The following CHDH variants were observed in gnomAD, a reference collection of about 807,000 sequenced individuals.
CHDH encodes the protein choline dehydrogenase, mitochondrial.
A neutral mutation model predicts 56.9 loss-of-function variants in CHDH; 43 were observed. The ratio of observed to expected loss-of-function variants is 0.76; its 90% CI spans 0.59 to 0.97. CHDH has a LOEUF of 0.97. Ranked by LOEUF, CHDH falls within the 50% of genes least tolerant of loss-of-function variation. CHDH has a pLI of 0.00. For synonymous variants in CHDH, 364 were observed against 348.5 expected, an observed-to-expected ratio of 1.04 and a Z score of -0.50; for missense variants, 816 against 821.1, an observed-to-expected ratio of 0.99 and a Z score of 0.08.
intron 1 of CHDH, among the ~76,000 whole-genome samples, chr3:53,843,675 C>A (rs890266644): frequency 6.6e-6 from 1 of 151,966 alleles, no homozygotes; most frequent in Admixed American, 6.5e-5. Flanking sequence ...TGAGCACCCC[C>A]TACAAAGCCC....
At chr3:53,824,118 A>G (rs1240579870) in intron 2 of CHDH, 51 bp from the exon 3 acceptor site, 3 of 1,115,750 alleles carry the variant, frequency 2.7e-6, no homozygotes, top group African/African-American at 1.6e-5. Flanking sequence ...TATCCAGGGT[A>G]TGCTCACCAA....
At chr3:53,843,188 C>CTTTTTTTT (rs10636132) in intron 1 of CHDH, among the ~76,000 whole-genome samples, 4 of 125,182 alleles carry the variant, frequency 3.2e-5, no homozygotes, top group East Asian at 2.5e-4. Flanking sequence ...CCCCCCCCAC[C>CTTTTTTTT]TTTTTTTTTT....
At chr3:53,821,369 G>A (rs1057042536) in intron 5 of CHDH, among the ~76,000 whole-genome samples, 2 of 151,894 alleles carry the variant, frequency 1.3e-5, no homozygotes, top group Non-Finnish European at 2.9e-5. Context: ...GCCCGACCCA[G>A]TGGGGCTTCA....
chr3:53,819,005 GCCC>G lies in CHDH; in HGVS notation c.1296_1298del (p.Gly433del), dbSNP rs761571720. 9 of 1,613,850 alleles carry G rather than the reference GCCC, an allele frequency of 5.6e-6. No individual in the cohort carries two copies. The highest frequency in any genetic ancestry group is 6.8e-6 in the Non-Finnish European group (8 of 1,179,782). ...GATTGGCACTTCTCAGTTTGAGCCAGCCCACACTCGTGCCCCGCATGGGCCCCA... is the reference window on the plus strand; with the variant it reads ...GATTGGCACTTCTCAGTTTGAGCCAGACACTCGTGCCCCGCATGGGCCCCA... On this transcript the variant is annotated inframe_deletion, in exon 8 of 9. Coordinates refer to ENST00000315251, the MANE Select transcript of CHDH (RefSeq NM_018397.5). The surrounding 1 kb of genome is among the most constrained non-coding windows in gnomAD (Gnocchi z 5.4).
chr3:53,818,771 C>T (rs1372638560), intron 8 of CHDH, among the ~76,000 whole-genome samples, 167 bp downstream of exon 8: 5 of 152,186 alleles, frequency 3.3e-5, no homozygotes, highest in African/African-American at 9.7e-5. Context: ...CAGGACACTA[C>T]GGGGCTGCCT....
At chr3:53,830,070 A>G (rs1698286082) in intron 2 of CHDH, among the ~76,000 whole-genome samples, 1 of 152,186 alleles carries the variant, frequency 6.6e-6, no homozygotes, top group South Asian at 2.1e-4. Context: ...ACTACAAAAC[A>G]TTGACAGAAG....
chr3:53,829,303 G>A (rs893081839), intron 2 of CHDH, among the ~76,000 whole-genome samples: 2 of 152,168 alleles, frequency 1.3e-5, no homozygotes, highest in Non-Finnish European at 2.9e-5. Flanking sequence ...TCTGTTTTCT[G>A]TACAGTGGTG....
chr3:53,821,818 G>A, intron 4 of CHDH, 42 bp from the exon 5 acceptor site: 1 of 1,607,682 alleles, frequency 6.2e-7, no homozygotes, highest in East Asian at 2.2e-5. Context: ...AAAGCCAGCT[G>A]TTCTCCTGAC....
chr3:53,843,969 C>A (rs931802544), intron 1 of CHDH, among the ~76,000 whole-genome samples: 2 of 152,226 alleles, frequency 1.3e-5, no homozygotes, highest in African/African-American at 4.8e-5. Flanking sequence ...ACCTCTCATG[C>A]AGGGCCACTT....
chr3:53,839,506 C>A (rs529369756), intron 2 of CHDH, among the ~76,000 whole-genome samples: 3 of 152,198 alleles, frequency 2.0e-5, no homozygotes, highest in Middle Eastern at 3.2e-3. Flanking sequence ...ACACTGAGTG[C>A]GTATGTGAGG....
At position 53,836,783 on chromosome 3, in the gene CHDH, G is replaced by A. The variant is rs114942241; in HGVS notation, c.-60+4146C>T. Among the ~76,000 whole-genome samples the A allele has an allele frequency of 7.8e-3, 1,191 of 152,308 alleles. 18 individuals are homozygous for A. The highest frequency in any genetic ancestry group is 0.026 in the African/African-American group (1,097 of 41,556). ...GTGGATGCTGAGCTCATACACCTGT[G>A]CCAGGACCAACAGAAGGCACCCCCT... On this transcript the variant is annotated intron_variant, in intron 2 of 8. Coordinates refer to ENST00000315251, the MANE Select transcript of CHDH (RefSeq NM_018397.5).
At chr3:53,842,350 C>T (rs1698698422) in intron 1 of CHDH, among the ~76,000 whole-genome samples, 1 of 151,942 alleles carries the variant, frequency 6.6e-6, no homozygotes, top group South Asian at 2.1e-4. Context: ...AAAAATATAC[C>T]ACCGATCCTG....
At chr3:53,837,797 T>A (rs1190463663) in intron 2 of CHDH, among the ~76,000 whole-genome samples, 1 of 151,854 alleles carries the variant, frequency 6.6e-6, no homozygotes, top group Non-Finnish European at 1.5e-5. Context: ...GTGGCTCACA[T>A]CTGTAATCCC....
rs2095624135 is a variant in CHDH at position 53,820,508 on chromosome 3, G to C, written c.1086C>G (p.Val362=). The C allele has an allele frequency of 1.2e-6, 2 of 1,613,940 alleles. No homozygotes were observed. The highest frequency in any genetic ancestry group is 3.3e-4 in the Middle Eastern group (2 of 6,060). ...TCCAGAGCCACTCCAGACCAATGCA[G>C]ACCTTCCGCAGGGGCTTCTGTGCTG... The part of the protein sequence containing the change: ...LHSAQKPLRK[V]CIGLEWLWKF... The change falls in exon 6 of 9, where the codon GTC becomes GTG. Residue 362 remains valine, a synonymous_variant. Transcript: ENST00000315251.
chr3:53,842,189 T>C (rs1205135690), intron 1 of CHDH, among the ~76,000 whole-genome samples: 1 of 152,122 alleles, frequency 6.6e-6, no homozygotes, highest in Non-Finnish European at 1.5e-5. Context: ...CATAGTGATT[T>C]TATCAAGTTC....
At chr3:53,842,260 C>T (rs1022928989) in intron 1 of CHDH, among the ~76,000 whole-genome samples, 2 of 152,214 alleles carry the variant, frequency 1.3e-5, no homozygotes, top group South Asian at 4.1e-4. Flanking sequence ...TTGTTTCTTC[C>T]TCCATAAAGT....
intron 1 of CHDH, among the ~76,000 whole-genome samples, chr3:53,842,478 T>C (rs1425327976): frequency 6.6e-6 from 1 of 152,162 alleles, no homozygotes; most frequent in Non-Finnish European, 1.5e-5. Context: ...ACGACAACAG[T>C]ACCTGTCTCC....
intron 2 of CHDH, among the ~76,000 whole-genome samples, chr3:53,828,977 C>T (rs1016085163): frequency 1.3e-5 from 2 of 151,816 alleles, no homozygotes; most frequent in African/African-American, 4.8e-5. Flanking sequence ...TCATAACTGC[C>T]CAAAGCTGGA....
At position 53,819,723 on chromosome 3, in the gene CHDH, G is replaced by T. The variant is rs1282941655; in HGVS notation, c.1121-49C>A. 2 of 1,499,756 alleles carry T rather than the reference G, an allele frequency of 1.3e-6. No homozygotes were observed. Among genetic ancestry groups the T allele is most frequent in the Non-Finnish European group, 1.8e-6 (2 of 1,122,464 alleles). The allele number at this position is 1,499,756 out of a possible 1,614,324, so 92.9% of individuals were successfully genotyped here. Reference sequence around the variant, plus strand: ...CAGAAGAGCCAGTCAGGCCGTGGCAGGTGGGCCGGCTGCTCCTGGTTTCCC... The same window carrying T: ...CAGAAGAGCCAGTCAGGCCGTGGCATGTGGGCCGGCTGCTCCTGGTTTCCC... On this transcript the variant is annotated intron_variant, in intron 6 of 8. Coordinates refer to ENST00000315251, the MANE Select transcript of CHDH (RefSeq NM_018397.5). This position sits in a 1 kb window ranked among gnomAD's most constrained non-coding sequence, Gnocchi z 5.4.
Sources: allele counts gnomAD v4.1 joint callset (sites outside exome capture counted in the v4.1 genomes callset), GRCh38; gene constraint gnomAD v4.1.1; non-coding constraint Gnocchi (gnomAD v3.1); transcripts MANE v1.5; gene names NCBI Gene and HGNC (gene_info 2026-07-23, HGNC 2026-07-21).